Variants in MAPRE1 observed in about 807,000 individuals in gnomAD.
MAPRE1 encodes microtubule-associated protein RP/EB family member 1.
A neutral mutation model predicts 32.1 loss-of-function variants in MAPRE1; 5 were observed. The ratio of observed to expected loss-of-function variants is 0.16; its 90% CI spans 0.08 to 0.33. The LOEUF is 0.33. MAPRE1 is among the 10% of genes least tolerant of loss of function. The pLI is 1.00. For missense variants in MAPRE1, 209 were observed against 327.2 expected (o/e 0.64, Z 2.79); for synonymous variants, 122 against 118.9 (o/e 1.03, Z -0.17).
chr20:32,836,548 A>C lies in MAPRE1; in HGVS notation c.268-86A>C, dbSNP rs1189481198. Reference sequence around the variant, plus strand: ...AAATATTTTTTTCTCCTTTTGGCAGAGCTTTATAATGAATTGATGCATGGA... The same window carrying C: ...AAATATTTTTTTCTCCTTTTGGCAGCGCTTTATAATGAATTGATGCATGGA... On this transcript the variant is annotated intron_variant, in intron 3 of 6. Coordinates refer to ENST00000375571, the MANE Select transcript of MAPRE1 (RefSeq NM_012325.3). The C allele has an allele frequency of 2.0e-5, 15 of 761,534 alleles. No individual in the cohort carries two copies. In the Middle Eastern group the frequency reaches 7.2e-4, roughly 37 times the overall value. 47.2% of individuals were successfully genotyped at this position (761,534 alleles called of 1,614,324 possible). A position where few individuals can be genotyped will look rare whatever the true frequency, so the allele number is the denominator to read the frequency against.
chr20:32,826,099 A>C, intron 2 of MAPRE1, 51 bp downstream of exon 2: 1 of 1,523,786 alleles, frequency 6.6e-7, no homozygotes, highest in Admixed American at 1.7e-5. Context: ...TAGGTTTTTC[A>C]GGAATGTGAA....
chr20:32,849,182 A>G lies in MAPRE1; in HGVS notation c.*454A>G, dbSNP rs1175105089. ...TCAAAATATAAAATGTAACATGACA[A>G]GAGATTTTGCGTTTGACATTGTGTC... On this transcript the variant is annotated 3_prime_UTR_variant, in exon 7 of 7. Transcript: ENST00000375571. 2.0e-5 allele frequency: 3 copies of G among 153,378 alleles called. No individual in the cohort carries two copies. Among genetic ancestry groups the G allele is most frequent in the African/African-American group, 7.2e-5 (3 of 41,446 alleles). 9.5% of individuals were successfully genotyped at this position (153,378 alleles called of 1,614,324 possible). A position where few individuals can be genotyped will look rare whatever the true frequency, so the allele number is the denominator to read the frequency against.
Position 32,841,465 on chromosome 20 carries a change from TA to T in MAPRE1, c.597+1611del, listed in dbSNP as rs139178821. 5.2e-3 allele frequency among the ~76,000 whole-genome samples: 795 copies of T among 151,822 alleles called. 9 individuals are homozygous for T. The highest frequency in any genetic ancestry group is 0.019 in the African/African-American group (770 of 41,422). On this transcript the variant is annotated intron_variant, in intron 5 of 6. Transcript: ENST00000375571. ...TCTCTGCTCAGCTCTTTTTTTTTTT[TA>T]ATTATTATTATTATTATACTTTAAG...
Position 32,837,624 on chromosome 20 carries a change from A to G in MAPRE1, c.475+783A>G, listed in dbSNP as rs993992886. ...AGAGAGAGGCTTGTTCATCTGATAG[A>G]GAGGGTAGGTTGAGTGCTTTCTAAA... On this transcript the variant is annotated intron_variant, in intron 4 of 6. Coordinates refer to ENST00000375571, the MANE Select transcript of MAPRE1 (RefSeq NM_012325.3). 2.7e-5 allele frequency among the ~76,000 whole-genome samples: 4 copies of G among 149,248 alleles called. No individual in the cohort carries two copies. In the South Asian group the frequency reaches 8.3e-4, roughly 31 times the overall value.
At chr20:32,825,238 T>C (rs965767197) in intron 1 of MAPRE1, among the ~76,000 whole-genome samples, 8 of 152,150 alleles carry the variant, frequency 5.3e-5, no homozygotes, top group Non-Finnish European at 1.2e-4. Context: ...TGGGTAACTT[T>C]GGGCTGATGT....
chr20:32,848,843 A>G lies in MAPRE1; in HGVS notation c.*115A>G, dbSNP rs757698268. On this transcript the variant is annotated 3_prime_UTR_variant, in exon 7 of 7. Transcript: ENST00000375571. ...CTCACTGGTTTCTTTTCATAAGCAA[A>G]AAGTACCTCTTCTTAAAGTGCACTT... 91 of 808,370 alleles carry G rather than the reference A, an allele frequency of 1.1e-4. No individual in the cohort carries two copies. The highest frequency in any genetic ancestry group is 1.6e-4 in the Non-Finnish European group (86 of 530,200). The allele number at this position is 808,370 out of a possible 1,614,324, so 50.1% of individuals were successfully genotyped here.
chr20:32,842,068 A>G lies in MAPRE1; in HGVS notation c.597+2212A>G, dbSNP rs564168052. Among the ~76,000 whole-genome samples the G allele has an allele frequency of 7.3e-4, 111 of 151,400 alleles. 2 individuals carry two copies. The South Asian group carries it at 0.02, about 28-fold the overall frequency. ...TCATAACAAAAGTAGCCAACATTTT[A>G]TTTATTTATTTATTTATTTTTATTT... On this transcript the variant is annotated intron_variant, in intron 5 of 6. Transcript: ENST00000375571.
At chr20:32,842,579 A>G in intron 5 of MAPRE1, among the ~76,000 whole-genome samples, 1 of 152,194 alleles carries the variant, frequency 6.6e-6, no homozygotes, top group Middle Eastern at 3.2e-3. Flanking sequence ...TGGGGAATTG[A>G]GGAAGAGGTT....
intron 2 of MAPRE1, among the ~76,000 whole-genome samples, chr20:32,826,560 G>T (rs1374730333): frequency 2.9e-4 from 27 of 93,270 alleles, no homozygotes; most frequent in Middle Eastern, 9.4e-3. Flanking sequence ...GGGGTCTGGC[G>T]CTATTGCCCA....
chr20:32,832,467 T>C (rs1490875573), intron 2 of MAPRE1, among the ~76,000 whole-genome samples: 2 of 66,500 alleles, frequency 3.0e-5, no homozygotes, highest in Non-Finnish European at 7.4e-5. Context: ...CAGTAGTCTC[T>C]TTTTTTTTTT....
At chr20:32,821,018 T>A (rs764555822) in intron 1 of MAPRE1, among the ~76,000 whole-genome samples, 1 of 150,464 alleles carries the variant, frequency 6.6e-6, no homozygotes, top group Non-Finnish European at 1.5e-5. Flanking sequence ...AGAGATTCTC[T>A]TCTTCCTTTT....
chr20:32,833,786 A>G lies in MAPRE1; in HGVS notation c.191A>G (p.Gln64Arg), dbSNP rs756646311. The G allele has an allele frequency of 6.2e-7, 1 of 1,614,104 alleles. No individual in the cohort carries two copies. The highest frequency in any genetic ancestry group is 1.1e-5 in the South Asian group (1 of 91,076). ...ATTGCCTTGAAGAAAGTGAAATTCC[A>G]AGCTAAGCTAGAACACGAGTACATC... ...GSIALKKVKF[Q>R]AKLEHEYIQN... The change falls in exon 3 of 7, where the codon CAA (glutamine) becomes CGA (arginine). Residue 64 changes from glutamine (Q) to arginine (R), a missense_variant. By Grantham distance (43) the Gln-to-Arg change is conservative. Transcript: ENST00000375571.
chr20:32,820,252 T>TGGGG (rs10661490), intron 1 of MAPRE1, among the ~76,000 whole-genome samples: 5 of 143,620 alleles, frequency 3.5e-5, no homozygotes, highest in Non-Finnish European at 7.5e-5. Context: ...GGGCCGGAAG[T>TGGGG]GGGCTGCTGC....
chr20:32,836,104 G>A (rs1028077905), intron 3 of MAPRE1, among the ~76,000 whole-genome samples: 2 of 151,960 alleles, frequency 1.3e-5, no homozygotes, highest in Non-Finnish European at 1.5e-5. Flanking sequence ...GACCATAGGC[G>A]CATGCCACCA....
intron 5 of MAPRE1, among the ~76,000 whole-genome samples, chr20:32,842,286 C>T (rs977050357): frequency 6.6e-5 from 10 of 152,196 alleles, no homozygotes; most frequent in South Asian, 6.2e-4. Flanking sequence ...GAGGTTTCAC[C>T]GTGTTAGCCA....
rs771430572 is a variant in MAPRE1, at chr20:32,825,948, A to G, written c.21A>G (p.Ser7=). 22 of 1,606,728 alleles carry G rather than the reference A, an allele frequency of 1.4e-5. No homozygotes were observed. In the South Asian group the frequency reaches 2.2e-4, roughly 16 times the overall value. The change falls in exon 2 of 7, where the codon TCA becomes TCG. Residue 7 remains serine, a synonymous_variant. Coordinates refer to ENST00000375571, the MANE Select transcript of MAPRE1 (RefSeq NM_012325.3). MAVNVY[S]TSVTSDNLSR... ...AGAAGATGGCAGTGAACGTATACTC[A>G]ACGTCAGTGACCAGTGATAACCTAA... is the stretch of plus-strand genomic sequence containing the variant.
intron 1 of MAPRE1, among the ~76,000 whole-genome samples, chr20:32,825,149 C>CAAA (rs542454683): frequency 1.6e-3 from 134 of 81,390 alleles, no homozygotes; most frequent in Middle Eastern, 7.0e-3. Flanking sequence ...AAGACTGTCT[C>CAAA]AAAAAAAAAA....
At chr20:32,831,213 G>A (rs1983012875) in intron 2 of MAPRE1, among the ~76,000 whole-genome samples, 1 of 152,078 alleles carries the variant, frequency 6.6e-6, no homozygotes, top group African/African-American at 2.4e-5. Context: ...GGAGGCCGAA[G>A]TGAGAGGATC....
intron 5 of MAPRE1, among the ~76,000 whole-genome samples, chr20:32,840,331 G>T (rs1418720629): frequency 6.6e-6 from 1 of 152,002 alleles, no homozygotes; most frequent in African/African-American, 2.4e-5. Flanking sequence ...TCTTCTTCAG[G>T]AGTAAATGTC....
Sources: gnomAD v4.1 joint callset for allele counts (sites outside exome capture counted in the v4.1 genomes callset) on GRCh38, gnomAD v4.1.1 for gene constraint, MANE v1.5 for transcripts, NCBI Gene and HGNC (gene_info 2026-07-23, HGNC 2026-07-21) for gene names.